The following B3GALT1 variants were observed in gnomAD, a reference collection of about 807,000 sequenced individuals.
B3GALT1 encodes the protein UDP-Gal:betaGlcNAc beta 1,3-galactosyltransferase, polypeptide 1.
In B3GALT1, 10 loss-of-function variants were observed where a neutral mutation model predicts 23.2. The observed-to-expected ratio is 0.43, with a 90% confidence interval of 0.27 to 0.73. The LOEUF is 0.73. Among genes scored for constraint, B3GALT1 ranks in the 30% least tolerant of loss-of-function variants. The pLI is 0.21. For missense variants in B3GALT1, 299 were observed against 405.4 expected (o/e 0.74, Z 2.25); for synonymous variants, 156 against 141.5 (o/e 1.10, Z -0.73).
intron 2 of B3GALT1, among the ~76,000 whole-genome samples, chr2:167,581,651 A>G (rs1248751400): frequency 6.6e-6 from 1 of 152,242 alleles, no homozygotes; most frequent in Non-Finnish European, 1.5e-5. Flanking sequence ...AGTGAAAATC[A>G]TAAATAACAA....
intron 3 of B3GALT1, among the ~76,000 whole-genome samples, chr2:167,684,186 T>C (rs1686579959): frequency 6.6e-6 from 1 of 152,232 alleles, no homozygotes; most frequent in African/African-American, 2.4e-5. Flanking sequence ...GTCTCCATTG[T>C]ACCCCCAGTA....
At chr2:167,487,563 T>A (rs1209052040) in intron 1 of B3GALT1, among the ~76,000 whole-genome samples, 2 of 152,214 alleles carry the variant, frequency 1.3e-5, no homozygotes, top group Non-Finnish European at 2.9e-5. Flanking sequence ...TTCTTTTATC[T>A]GTTTAATCTT....
At chr2:167,400,198 G>GTGTGTGTA (rs1449205076) in intron 1 of B3GALT1, among the ~76,000 whole-genome samples, 4 of 150,990 alleles carry the variant, frequency 2.6e-5, no homozygotes, top group African/African-American at 9.8e-5. Context: ...GTGTGTCTGT[G>GTGTGTGTA]TGTGTGTATG....
intron 1 of B3GALT1, among the ~76,000 whole-genome samples, chr2:167,339,909 A>G (rs1400130885): frequency 3.3e-5 from 5 of 152,170 alleles, no homozygotes; most frequent in African/African-American, 1.2e-4. Flanking sequence ...CCCAGAGAGA[A>G]GGTCACTGTT....
At chr2:167,708,457 T>TC (rs1422372868) in intron 3 of B3GALT1, among the ~76,000 whole-genome samples, 1 of 152,044 alleles carries the variant, frequency 6.6e-6, no homozygotes, top group Admixed American at 6.5e-5. Context: ...TGTCGGGAGT[T>TC]CAAGACCAGC....
intron 3 of B3GALT1, among the ~76,000 whole-genome samples, chr2:167,724,886 G>A (rs771080920): frequency 5.3e-5 from 8 of 152,156 alleles, no homozygotes; most frequent in African/African-American, 1.2e-4. Flanking sequence ...AGACCTACAG[G>A]TGTCCAGGGA....
chr2:167,555,705 G>T (rs909655910), intron 2 of B3GALT1, among the ~76,000 whole-genome samples: 4 of 152,132 alleles, frequency 2.6e-5, no homozygotes, highest in South Asian at 2.1e-4. Context: ...AAAAGAACTT[G>T]AGCATGTCAC....
intron 3 of B3GALT1, chr2:167,714,644 A>G (rs1309540421): frequency 1.2e-6 from 2 of 1,613,728 alleles, no homozygotes; most frequent in East Asian, 2.2e-5. Context: ...TAAATCATTG[A>G]GGTTTCTTTC....
chr2:167,843,983 T>C (rs1180086372), intron 4 of B3GALT1, among the ~76,000 whole-genome samples: 1 of 152,208 alleles, frequency 6.6e-6, no homozygotes, highest in Non-Finnish European at 1.5e-5. Context: ...TTCATATCAC[T>C]GGATTCTCTG....
rs562265347 is a variant in B3GALT1 at position 167,844,190 on chromosome 2, T to C, written c.-229-24621T>C. Among the ~76,000 whole-genome samples, 23 of 152,306 alleles carry C rather than the reference T, an allele frequency of 1.5e-4. No homozygotes were observed. In the South Asian group the frequency reaches 4.8e-3, roughly 32 times the overall value. Reference sequence around the variant, plus strand: ...AGCACATGAAAATCTGCAGACTACATGATCCCATATTAATAAATGAAAATA... The same window carrying C: ...AGCACATGAAAATCTGCAGACTACACGATCCCATATTAATAAATGAAAATA... On this transcript the variant is annotated intron_variant, in intron 4 of 4. Transcript: ENST00000392690.
At chr2:167,516,518 G>C (rs972542406) in intron 2 of B3GALT1, among the ~76,000 whole-genome samples, 1 of 151,896 alleles carries the variant, frequency 6.6e-6, no homozygotes, top group African/African-American at 2.4e-5. Context: ...TAGTTAGTTG[G>C]GTTGCCTTTG....
At chr2:167,446,473 C>T (rs765144038) in intron 1 of B3GALT1, among the ~76,000 whole-genome samples, 16 of 152,178 alleles carry the variant, frequency 1.1e-4, no homozygotes, top group Non-Finnish European at 2.4e-4. Context: ...CAACTTGGTT[C>T]CATTCTCCCT....
At chr2:167,794,788 TA>T (rs754593494) in intron 3 of B3GALT1, among the ~76,000 whole-genome samples, 4 of 152,202 alleles carry the variant, frequency 2.6e-5, no homozygotes, top group African/African-American at 7.2e-5. Context: ...CCTGGTCATT[TA>T]ATTCCACAAA....
chr2:167,435,479 T>C (rs925184622), intron 1 of B3GALT1, among the ~76,000 whole-genome samples: 1 of 144,046 alleles, frequency 6.9e-6, no homozygotes, highest in African/African-American at 2.6e-5. Context: ...AAATATATGC[T>C]TTTTAAATAC....
At chr2:167,812,821 CCT>C (rs1465169573) in intron 3 of B3GALT1, among the ~76,000 whole-genome samples, 1 of 152,106 alleles carries the variant, frequency 6.6e-6, no homozygotes, top group African/African-American at 2.4e-5. Context: ...CTCAATATCC[CCT>C]GTTTGATCAG....
intron 3 of B3GALT1, among the ~76,000 whole-genome samples, chr2:167,651,798 G>A (rs1274316449): frequency 6.6e-6 from 1 of 152,082 alleles, no homozygotes; most frequent in Non-Finnish European, 1.5e-5. Flanking sequence ...AAGTTAAATA[G>A]TAATTCAGCA....
intron 1 of B3GALT1, among the ~76,000 whole-genome samples, chr2:167,365,586 ACAC>A (rs1296521231): frequency 1.7e-4 from 5 of 28,892 alleles, no homozygotes; most frequent in Admixed American, 3.0e-4. Flanking sequence ...AGATACAAAT[ACAC>A]ACACACACAC....
chr2:167,732,158 C>T (rs994368358), intron 3 of B3GALT1, among the ~76,000 whole-genome samples: 3 of 152,118 alleles, frequency 2.0e-5, no homozygotes, highest in South Asian at 2.1e-4. Flanking sequence ...TTGCAACAGA[C>T]GTTTTATGAT....
chr2:167,342,177 AGAGT>A (rs1312009011), intron 1 of B3GALT1, among the ~76,000 whole-genome samples: 15 of 152,252 alleles, frequency 9.9e-5, no homozygotes, highest in Admixed American at 7.9e-4. Context: ...ATGGGGAAAT[AGAGT>A]GAGTAACATG....
Sources: allele counts gnomAD v4.1 joint callset (sites outside exome capture counted in the v4.1 genomes callset), GRCh38; gene constraint gnomAD v4.1.1; transcripts MANE v1.5; gene names NCBI Gene and HGNC (gene_info 2026-07-23, HGNC 2026-07-21).